Variants in ADGRL3 observed in about 807,000 individuals in gnomAD.
The protein encoded by ADGRL3 is calcium-independent alpha-latrotoxin receptor 3.
ADGRL3 carries 62 observed loss-of-function variants against 153.5 expected under a neutral mutation model. The ratio of observed to expected loss-of-function variants is 0.40; its 90% CI spans 0.33 to 0.50. The LOEUF is 0.50. ADGRL3 is among the 20% of genes least tolerant of loss of function. The pLI is 0.47. For missense variants in ADGRL3, 1,641 were observed against 1,859.4 expected (o/e 0.88, Z 2.16); for synonymous variants, 710 against 672.5 (o/e 1.06, Z -0.86).
chr4:61,699,040 A>G (rs2151272876), intron 6 of ADGRL3, among the ~76,000 whole-genome samples: 1 of 152,310 alleles, frequency 6.6e-6, no homozygotes, highest in South Asian at 2.1e-4. Flanking sequence ...AATACGTTGT[A>G]TTTGGTAACA....
At chr4:61,917,473 A>C (rs2149922163) in intron 13 of ADGRL3, among the ~76,000 whole-genome samples, 1 of 152,322 alleles carries the variant, frequency 6.6e-6, no homozygotes, top group Middle Eastern at 3.4e-3. Context: ...TGAAAAAGTT[A>C]CCATCTTAAG....
At chr4:61,539,439 A>C (rs751852373) in intron 4 of ADGRL3, among the ~76,000 whole-genome samples, 1 of 152,058 alleles carries the variant, frequency 6.6e-6, no homozygotes, top group Non-Finnish European at 1.5e-5. Context: ...GGTGGCCCTC[A>C]CTGAGCGTTA....
At chr4:61,478,938 T>C (rs533957216) in intron 2 of ADGRL3, among the ~76,000 whole-genome samples, 63 of 152,208 alleles carry the variant, frequency 4.1e-4, no homozygotes, top group African/African-American at 1.5e-3. Context: ...TAAAAAACTC[T>C]TAAGAGTTTC....
chr4:61,650,885 C>T (rs1354180535), intron 5 of ADGRL3, among the ~76,000 whole-genome samples: 1 of 152,004 alleles, frequency 6.6e-6, no homozygotes, highest in Non-Finnish European at 1.5e-5. Flanking sequence ...AGTGAGCTGA[C>T]AATACTCATG....
At chr4:61,601,566 C>T (rs1330588203) in intron 5 of ADGRL3, among the ~76,000 whole-genome samples, 2 of 152,060 alleles carry the variant, frequency 1.3e-5, no homozygotes, top group Admixed American at 1.3e-4. Flanking sequence ...CCCAAATAAC[C>T]ATGATTGGAA....
intron 21 of ADGRL3, among the ~76,000 whole-genome samples, chr4:61,999,519 T>C (rs1560486645): frequency 6.6e-6 from 1 of 152,206 alleles, no homozygotes; most frequent in Non-Finnish European, 1.5e-5. Flanking sequence ...ATAATTTGCC[T>C]ATGCTGGTGT....
chr4:61,759,721 C>T (rs368120371), intron 8 of ADGRL3, among the ~76,000 whole-genome samples: 10 of 152,182 alleles, frequency 6.6e-5, no homozygotes, highest in African/African-American at 2.2e-4. Context: ...TGAGGAGCTG[C>T]GTTCCTTTGG....
intron 3 of ADGRL3, among the ~76,000 whole-genome samples, chr4:61,499,755 C>T (rs1173719964): frequency 6.6e-5 from 10 of 152,084 alleles, no homozygotes; most frequent in Non-Finnish European, 1.5e-4. Context: ...TATTTACACA[C>T]ACACAATTCG....
At chr4:61,553,130 G>A (rs187067479) in intron 4 of ADGRL3, among the ~76,000 whole-genome samples, 34 of 152,258 alleles carry the variant, frequency 2.2e-4, no homozygotes, top group African/African-American at 7.5e-4. Flanking sequence ...GGTACATATT[G>A]CACATTTGGA....
intron 5 of ADGRL3, among the ~76,000 whole-genome samples, chr4:61,645,624 T>C (rs2093939881): frequency 1.3e-5 from 2 of 152,214 alleles, no homozygotes; most frequent in Admixed American, 6.5e-5. Flanking sequence ...CCCACTCTCT[T>C]CTGGCTTGTA....
chr4:61,715,542 T>A (rs1222698468), intron 6 of ADGRL3, among the ~76,000 whole-genome samples: 2 of 152,078 alleles, frequency 1.3e-5, no homozygotes, highest in Non-Finnish European at 2.9e-5. Flanking sequence ...GAAAATAACA[T>A]ACATAAATGA....
chr4:61,494,246 G>A (rs1482051309), intron 2 of ADGRL3, among the ~76,000 whole-genome samples: 1 of 151,988 alleles, frequency 6.6e-6, no homozygotes, highest in African/African-American at 2.4e-5. Context: ...GTAATGAAAT[G>A]CTATATATAC....
intron 9 of ADGRL3, among the ~76,000 whole-genome samples, chr4:61,849,435 A>G (rs185749392): frequency 1.8e-4 from 28 of 152,178 alleles, no homozygotes; most frequent in Non-Finnish European, 4.0e-4. Flanking sequence ...ATTAGGATGG[A>G]TTCCAATATG....
chr4:61,683,154 C>G (rs1039610656), intron 6 of ADGRL3, among the ~76,000 whole-genome samples: 4 of 149,582 alleles, frequency 2.7e-5, no homozygotes, highest in African/African-American at 9.9e-5. Flanking sequence ...GCTCTGTCAC[C>G]CAGGCTGAAG....
At chr4:61,250,953 AT>A (rs1208993804) in intron 1 of ADGRL3, among the ~76,000 whole-genome samples, 2 of 152,220 alleles carry the variant, frequency 1.3e-5, no homozygotes, top group Non-Finnish European at 2.9e-5. Flanking sequence ...CATTAAAATT[AT>A]TTTATTACTA....
intron 1 of ADGRL3, among the ~76,000 whole-genome samples, chr4:61,271,097 A>T (rs928517367): frequency 1.3e-5 from 2 of 151,966 alleles, no homozygotes; most frequent in Middle Eastern, 3.4e-3. Context: ...CTAGCTATGA[A>T]GTGGCAGAAT....
chr4:62,007,134 G>C (rs2099161928), intron 21 of ADGRL3, among the ~76,000 whole-genome samples: 1 of 151,414 alleles, frequency 6.6e-6, no homozygotes, highest in South Asian at 2.1e-4. Context: ...GGAAAGAAGA[G>C]ATAAGAGAAG....
chr4:61,425,654 C>T (rs1392634782), intron 2 of ADGRL3, among the ~76,000 whole-genome samples: 1 of 152,218 alleles, frequency 6.6e-6, no homozygotes, highest in Non-Finnish European at 1.5e-5. Context: ...TTTGGGTCCT[C>T]TATCTGTGCT....
At chr4:61,680,245 G>A (rs192824083) in intron 6 of ADGRL3, among the ~76,000 whole-genome samples, 7 of 152,054 alleles carry the variant, frequency 4.6e-5, no homozygotes, top group Admixed American at 4.6e-4. Context: ...TGAACGAACA[G>A]TGTTAGGTTC....
Sources: allele counts gnomAD v4.1 joint callset (sites outside exome capture counted in the v4.1 genomes callset), GRCh38; gene constraint gnomAD v4.1.1; transcripts MANE v1.5; gene names NCBI Gene and HGNC (gene_info 2026-07-23, HGNC 2026-07-21).